Variants in IKZF5 observed in about 807,000 individuals in gnomAD.
IKZF5 encodes the protein IKAROS family zinc finger 5, also known as zinc finger protein Pegasus.
In IKZF5, 4 loss-of-function variants were observed where a neutral mutation model predicts 30.7. The ratio of observed to expected loss-of-function variants is 0.13; its 90% CI spans 0.06 to 0.30. The LOEUF (loss-of-function observed/expected upper bound fraction) is 0.30. IKZF5 is among the 10% of genes least tolerant of loss of function. The pLI is 1.00. For missense variants in IKZF5, 348 were observed against 525.5 expected (o/e 0.66, Z 3.30); for synonymous variants, 148 against 179.6 (o/e 0.82, Z 1.41).
At chr10:123,002,381 A>G (rs1337446272) in intron 2 of IKZF5, among the ~76,000 whole-genome samples, 1 of 151,574 alleles carries the variant, frequency 6.6e-6, no homozygotes, top group Non-Finnish European at 1.5e-5. Flanking sequence ...TTAGCCGGGC[A>G]TGGCAGCAGG....
chr10:123,008,741 T>TCGC lies in IKZF5; in HGVS notation c.-248_-246dup, dbSNP rs902449078. 1.4e-5 allele frequency: 8 copies of TCGC among 585,188 alleles called. No homozygotes were observed. Among genetic ancestry groups the TCGC allele is most frequent in the East Asian group, 2.9e-5 (1 of 34,684 alleles). The allele number at this position is 585,188 out of a possible 1,614,324, so 36.2% of individuals were successfully genotyped here. Reference sequence around the variant, plus strand: ...AACCACACCGCCTTGTTAAATGCCGTCGCCGCCGCCGCCGTCTTCGTCACC... The same window carrying TCGC: ...AACCACACCGCCTTGTTAAATGCCGTCGCCGCCGCCGCCGCCGTCTTCGTCACC... On this transcript the variant is annotated 5_prime_UTR_variant, in exon 1 of 5. Coordinates refer to ENST00000368886, the MANE Select transcript of IKZF5 (RefSeq NM_001372123.1).
In IKZF5 at chr10:122,994,731, A is replaced by G. The variant is rs1849296202; in HGVS notation, c.317-8T>C. The stretch of plus-strand genomic sequence containing the variant: ...ATCGATGAGGTTTTTCACCTGTTTC[A>G]AAAGAAAAATGATGGAGAAACTACA... On this transcript the variant is annotated splice_region_variant and splice_polypyrimidine_tract_variant and intron_variant, in intron 4 of 4. Transcript: ENST00000368886. The surrounding 1 kb of genome is among the most constrained non-coding windows in gnomAD (Gnocchi z 5.6). 4 of 1,572,338 alleles carry G rather than the reference A, an allele frequency of 2.5e-6. No homozygotes were observed. The South Asian group carries it at 3.5e-5, about 14-fold the overall frequency.
At chr10:123,008,580 C>A (rs1367821293) in intron 1 of IKZF5, 114 bp downstream of exon 1, 2 of 284,192 alleles carry the variant, frequency 7.0e-6, no homozygotes, top group Non-Finnish European at 1.4e-5. Context: ...TGAACTGAGT[C>A]TCCGTCCGGA....
In IKZF5 at chr10:122,998,522, C is replaced by T. The variant is rs1283759076; in HGVS notation, c.104G>A (p.Gly35Glu). 2.5e-6 allele frequency: 4 copies of T among 1,613,252 alleles called. No individual in the cohort carries two copies. Among genetic ancestry groups the T allele is most frequent in the East Asian group, 4.5e-5 (2 of 44,864 alleles). Reference sequence around the variant, plus strand: ...CTGAAGAGCCTCTGCTTCTTTGTCCCCACTAACTGATCCAGAAATCATGTT... The same window carrying T: ...CTGAAGAGCCTCTGCTTCTTTGTCCTCACTAACTGATCCAGAAATCATGTT... The part of the protein sequence containing the change: ...HVNMISGSVS[G>E]DKEAEALQGA... The change falls in exon 3 of 5, where the codon GGG (glycine) becomes GAG (glutamate). Residue 35 changes from glycine to glutamate, a missense_variant. Around this residue, in one of 4 missense-constraint regions of IKZF5, gnomAD observed 80 missense variants for 93.2 expected, o/e 0.86. Coordinates refer to ENST00000368886, the MANE Select transcript of IKZF5 (RefSeq NM_001372123.1).
At position 122,994,844 on chromosome 10, in the gene IKZF5, AT is replaced by A; in HGVS notation, c.317-122del. ...AAAGAAAATGCTTTCAGAAAGTCAT[AT>A]TTGCATAGCATATGAGATTGTTAAA... is the stretch of plus-strand genomic sequence containing the variant. On this transcript the variant is annotated intron_variant, in intron 4 of 4. Coordinates refer to ENST00000368886, the MANE Select transcript of IKZF5 (RefSeq NM_001372123.1). The surrounding 1 kb of genome is among the most constrained non-coding windows in gnomAD (Gnocchi z 5.6). The A allele has an allele frequency of 1.3e-6, 1 of 747,232 alleles. No homozygotes were observed. The highest frequency in any genetic ancestry group is 1.8e-5 in the African/African-American group (1 of 56,614). The allele number at this position is 747,232 out of a possible 1,614,324, so 46.3% of individuals were successfully genotyped here.
intron 2 of IKZF5, among the ~76,000 whole-genome samples, chr10:123,001,915 C>T (rs561124022): frequency 5.3e-5 from 8 of 152,328 alleles, no homozygotes; most frequent in African/African-American, 1.9e-4. Context: ...ATCAAAACTT[C>T]TTCTTTGACT....
In IKZF5 at chr10:123,005,870, C is replaced by T. The variant is rs546195848; in HGVS notation, c.-47+1156G>A. Reference sequence around the variant, plus strand: ...TAAATGTTTGTTTAAACCACTCAGTCTATGGTAATTCGTTACAGCAACCTG... The same window carrying T: ...TAAATGTTTGTTTAAACCACTCAGTTTATGGTAATTCGTTACAGCAACCTG... On this transcript the variant is annotated intron_variant, in intron 2 of 4. Transcript: ENST00000368886. Among the ~76,000 whole-genome samples, 15 of 152,290 alleles carry T rather than the reference C, an allele frequency of 9.8e-5. No homozygotes were observed. The South Asian group carries it at 2.9e-3, about 29-fold the overall frequency.
Position 122,994,280 on chromosome 10 carries a change from G to C in IKZF5, c.760C>G (p.Gln254Glu). ...AACTGCCCTGCTAGAGTCGAGAGCT[G>C]ATTCAAAGGGTTATCAACCATGAGT... Reference protein sequence around the residue: ...QELMVDNPLNQLSTLAGQLSS... With the variant: ...QELMVDNPLNELSTLAGQLSS... Residue 254 changes from glutamine (Q) to glutamate (E), a missense_variant, in exon 5 of 5, where the codon CAG becomes GAG. Around this residue, in one of 4 missense-constraint regions of IKZF5, gnomAD observed 176 missense variants for 198.2 expected, o/e 0.89. Transcript: ENST00000368886. This position sits in a 1 kb window ranked among gnomAD's most constrained non-coding sequence, Gnocchi z 5.6. 6.2e-7 allele frequency: 1 copy of C among 1,614,060 alleles called. No homozygotes were observed. Among genetic ancestry groups the C allele is most frequent in the Non-Finnish European group, 8.5e-7 (1 of 1,180,008 alleles).
intron 2 of IKZF5, among the ~76,000 whole-genome samples, chr10:122,999,233 A>T (rs1849498376): frequency 6.6e-6 from 1 of 152,238 alleles, no homozygotes; most frequent in Admixed American, 6.5e-5. Context: ...ATTCCTACGC[A>T]GTTGCTACTA....
Position 122,994,450 on chromosome 10 carries a change from A to G in IKZF5, c.590T>C (p.Ile197Thr), listed in dbSNP as rs1231430040. Reference sequence around the variant, plus strand: ...CACCATGGAAGGTGGACTTAAGTTGATTAGTGCTCTTCTGCTATAGCCCAG... The same window carrying G: ...CACCATGGAAGGTGGACTTAAGTTGGTTAGTGCTCTTCTGCTATAGCCCAG... ...SNLGYSRRAL[I>T]NLSPPSMVVQ... The change falls in exon 5 of 5, where the codon ATC (isoleucine) becomes ACC (threonine). Residue 197 changes from isoleucine (I) to threonine (T), a missense_variant. Transcript: ENST00000368886. This position sits in a 1 kb window ranked among gnomAD's most constrained non-coding sequence, Gnocchi z 5.6. 7.4e-6 allele frequency: 12 copies of G among 1,613,942 alleles called. No individual in the cohort carries two copies. Among genetic ancestry groups the G allele is most frequent in the Non-Finnish European group, 5.9e-6 (7 of 1,180,014 alleles).
At chr10:122,995,541 A>C (rs9423243) in intron 4 of IKZF5, among the ~76,000 whole-genome samples, 9 of 152,006 alleles carry the variant, frequency 5.9e-5, no homozygotes, top group Non-Finnish European at 1.3e-4. Context: ...TCTTGGGCAG[A>C]GGGCAGATGT....
chr10:122,998,221 T>A (rs1205838362), intron 3 of IKZF5: 1 of 278,498 alleles, frequency 3.6e-6, no homozygotes, highest in African/African-American at 2.2e-5. Flanking sequence ...GGGTTCTTTG[T>A]GTCTAATGGT....
chr10:122,996,162 C>A lies in IKZF5; in HGVS notation c.148G>T (p.Asp50Tyr). The change falls in exon 4 of 5, where the codon GAT becomes TAT. Residue 50 changes from aspartate (D) to tyrosine (Y), a missense_variant. Around this residue, in one of 4 missense-constraint regions of IKZF5, gnomAD observed 80 missense variants for 93.2 expected, o/e 0.86. Coordinates refer to ENST00000368886, the MANE Select transcript of IKZF5 (RefSeq NM_001372123.1). Reference protein sequence around the residue: ...EALQGAGTDGDQNGLDHPSVE... With the variant: ...EALQGAGTDGYQNGLDHPSVE... Reference sequence around the variant, plus strand: ...GATGGGTGATCAAGTCCATTTTGATCACCATCTGTTCCAGCTATAAACAAA... The same window carrying A: ...GATGGGTGATCAAGTCCATTTTGATAACCATCTGTTCCAGCTATAAACAAA... 6.2e-7 allele frequency: 1 copy of A among 1,613,308 alleles called. No individual in the cohort carries two copies. Among genetic ancestry groups the A allele is most frequent in the South Asian group, 1.1e-5 (1 of 91,064 alleles).
intron 2 of IKZF5, among the ~76,000 whole-genome samples, chr10:123,002,886 T>C (rs1849642706): frequency 6.6e-6 from 1 of 152,050 alleles, no homozygotes; most frequent in East Asian, 1.9e-4. Flanking sequence ...TTGAGACTAC[T>C]GAAAGTTTAT....
chr10:122,995,886 A>C (rs1849350340), intron 4 of IKZF5, 108 bp downstream of exon 4: 2 of 1,046,376 alleles, frequency 1.9e-6, no homozygotes, highest in East Asian at 2.4e-5. Context: ...ACTTTACATA[A>C]ACCTTCATTT....
At chr10:122,997,941 C>T (rs545813370) in intron 3 of IKZF5, among the ~76,000 whole-genome samples, 176 of 152,212 alleles carry the variant, frequency 1.2e-3, no homozygotes, top group Middle Eastern at 3.4e-3. Context: ...ATGGGGCCCA[C>T]GGGCTATAGT....
At chr10:123,007,836 T>TA (rs781609968) in intron 1 of IKZF5, among the ~76,000 whole-genome samples, 3 of 152,052 alleles carry the variant, frequency 2.0e-5, no homozygotes, top group Non-Finnish European at 4.4e-5. Flanking sequence ...TTCCTACGTT[T>TA]AAAAAAAAGT....
At position 122,993,762 on chromosome 10, in the gene IKZF5, A is replaced by C. The variant is rs1213378691; in HGVS notation, c.*18T>G. On this transcript the variant is annotated 3_prime_UTR_variant, in exon 5 of 5. Transcript: ENST00000368886. ...ACCACAAAAACAGCAAAACTAAGTAAAATATGACTATTTTCAATCAATGTT... is the reference window on the plus strand; with the variant it reads ...ACCACAAAAACAGCAAAACTAAGTACAATATGACTATTTTCAATCAATGTT... 1 of 1,537,782 alleles carries C rather than the reference A, an allele frequency of 6.5e-7. No individual in the cohort carries two copies. The highest frequency in any genetic ancestry group is 1.2e-5 in the South Asian group (1 of 80,002).
rs1849225915 is a variant in IKZF5, at chr10:122,993,157, T to C, written c.*623A>G. 6.6e-6 allele frequency: 1 copy of C among 152,308 alleles called. No homozygotes were observed. 9.4% of individuals were successfully genotyped at this position (152,308 alleles called of 1,614,324 possible). A position where few individuals can be genotyped will look rare whatever the true frequency, so the allele number is the denominator to read the frequency against. The stretch of plus-strand genomic sequence containing the variant: ...TTTAGACATTGAATAAACAAGTTAT[T>C]TTAAATATTAAAAGAATTTTCAATT... On this transcript the variant is annotated 3_prime_UTR_variant, in exon 5 of 5. Coordinates refer to ENST00000368886, the MANE Select transcript of IKZF5 (RefSeq NM_001372123.1).
Sources: allele counts gnomAD v4.1 joint callset (sites outside exome capture counted in the v4.1 genomes callset), GRCh38; gene constraint gnomAD v4.1.1; regional missense constraint gnomAD v4.1.1; non-coding constraint Gnocchi (gnomAD v3.1); transcripts MANE v1.5; gene names NCBI Gene and HGNC (gene_info 2026-07-23, HGNC 2026-07-21).